The following CDH2 variants were observed in gnomAD, a reference collection of about 807,000 sequenced individuals.
The protein encoded by CDH2 is cadherin 2.
CDH2 carries 17 observed loss-of-function variants against 92.0 expected under a neutral mutation model. The ratio of observed to expected loss-of-function variants is 0.18; its 90% CI spans 0.13 to 0.28. The LOEUF (loss-of-function observed/expected upper bound fraction) is 0.28. CDH2 is among the 10% of genes least tolerant of loss of function. CDH2 has a pLI of 1.00. For synonymous variants in CDH2, 419 were observed against 415.9 expected (o/e 1.01, Z -0.09); for missense variants, 862 against 1,133.1 (o/e 0.76, Z 3.44).
chr18:28,152,117 T>A (rs192097955), intron 1 of CDH2, among the ~76,000 whole-genome samples: 1 of 152,292 alleles, frequency 6.6e-6, no homozygotes, highest in Non-Finnish European at 1.5e-5. Context: ...GTGTGTTAAG[T>A]TCCGTATCAC....
chr18:27,950,120 C>A (rs1266655477), downstream of CDH2, among the ~76,000 whole-genome samples: 1 of 152,046 alleles, frequency 6.6e-6, no homozygotes, highest in African/African-American at 2.4e-5. Flanking sequence ...CAAGCTCTGG[C>A]ATTTAATGAT....
At chr18:28,032,618 T>C (rs1351502101) in intron 2 of CDH2, among the ~76,000 whole-genome samples, 1 of 152,160 alleles carries the variant, frequency 6.6e-6, no homozygotes, top group Non-Finnish European at 1.5e-5. Context: ...AATATCTCAT[T>C]TGGATATCAT....
At chr18:28,126,593 G>T (rs1265032790) in intron 2 of CDH2, among the ~76,000 whole-genome samples, 1 of 151,884 alleles carries the variant, frequency 6.6e-6, no homozygotes, top group Non-Finnish European at 1.5e-5. Context: ...AATAAAATAA[G>T]GTCAGGGGGC....
chr18:28,004,344 T>C (rs576821959), intron 6 of CDH2, among the ~76,000 whole-genome samples: 1 of 152,340 alleles, frequency 6.6e-6, no homozygotes, highest in African/African-American at 2.4e-5. Flanking sequence ...AAAAGGTATC[T>C]TTCAGAAGTG....
At chr18:27,989,335 G>T (rs1754329396) in intron 10 of CDH2, among the ~76,000 whole-genome samples, 1 of 152,164 alleles carries the variant, frequency 6.6e-6, no homozygotes, top group Non-Finnish European at 1.5e-5. Flanking sequence ...GGTATGCTAT[G>T]TTTGGAAAGG....
chr18:28,108,016 A>T (rs1020160617), intron 2 of CDH2, among the ~76,000 whole-genome samples: 1 of 152,168 alleles, frequency 6.6e-6, no homozygotes, highest in Admixed American at 6.5e-5. Context: ...CTCTGTTACA[A>T]ATTAAACCCA....
intron 2 of CDH2, among the ~76,000 whole-genome samples, chr18:28,090,622 T>C (rs2015019601): frequency 6.6e-6 from 1 of 152,214 alleles, no homozygotes; most frequent in African/African-American, 2.4e-5. Context: ...TGTATGTTTA[T>C]TAGAGTAGCT....
rs565557365 is a variant in CDH2, at chr18:28,090,317, T to C, written c.172+57356A>G. ...TTAATTTGTCTCACAGTGACAAATG[T>C]GTGGCATTGGCTGACGTATGGATTT... On this transcript the variant is annotated intron_variant, in intron 2 of 15. Transcript: ENST00000269141. 2.6e-5 allele frequency among the ~76,000 whole-genome samples: 4 copies of C among 152,318 alleles called. No individual in the cohort carries two copies. The East Asian group carries it at 7.7e-4, about 29-fold the overall frequency.
chr18:28,134,461 G>A (rs1032451054), intron 2 of CDH2, among the ~76,000 whole-genome samples: 1 of 152,032 alleles, frequency 6.6e-6, no homozygotes, highest in Non-Finnish European at 1.5e-5. Flanking sequence ...TGTAATCCCC[G>A]CACTTGGGGA....
At chr18:28,031,461 C>G (rs2013693583) in intron 2 of CDH2, among the ~76,000 whole-genome samples, 1 of 152,048 alleles carries the variant, frequency 6.6e-6, no homozygotes, top group South Asian at 2.1e-4. Context: ...CTTTGAAAAA[C>G]AAACTGGATC....
intron 2 of CDH2, among the ~76,000 whole-genome samples, chr18:28,051,191 T>C (rs1209585999): frequency 6.6e-6 from 1 of 152,210 alleles, no homozygotes; most frequent in African/African-American, 2.4e-5. Context: ...TGTTACACTT[T>C]TATCAGATAT....
intron 2 of CDH2, among the ~76,000 whole-genome samples, chr18:28,025,819 T>C (rs2013538438): frequency 6.6e-6 from 1 of 152,036 alleles, no homozygotes; most frequent in South Asian, 2.1e-4. Flanking sequence ...TAGTAGTGCA[T>C]ATACGATTTT....
At chr18:28,023,768 G>A (rs1050148641) in intron 2 of CDH2, among the ~76,000 whole-genome samples, 22 of 152,210 alleles carry the variant, frequency 1.4e-4, no homozygotes, top group African/African-American at 3.4e-4. Flanking sequence ...ATGTCTTAAC[G>A]TCATCAATAT....
intron 15 of CDH2, among the ~76,000 whole-genome samples, chr18:27,961,437 C>T (rs1012489339): frequency 3.3e-5 from 5 of 152,136 alleles, no homozygotes; most frequent in Admixed American, 6.6e-5. Context: ...AGGAAGGCCT[C>T]ACAGAGAAAT....
chr18:27,980,473 G>A (rs1245631786), intron 14 of CDH2, among the ~76,000 whole-genome samples: 1 of 152,136 alleles, frequency 6.6e-6, no homozygotes, highest in Non-Finnish European at 1.5e-5. Context: ...AGATAGAGGA[G>A]AAAGAGCCTT....
chr18:28,091,385 C>G (rs1449440291), intron 2 of CDH2, among the ~76,000 whole-genome samples: 1 of 152,114 alleles, frequency 6.6e-6, no homozygotes, highest in Non-Finnish European at 1.5e-5. Flanking sequence ...ATTTAATTCC[C>G]TTTAGTTCAG....
Position 28,177,081 on chromosome 18 carries a change from C to CGGAGGAGGA in CDH2, c.-68_-60dup, listed in dbSNP as rs914953945. The CGGAGGAGGA allele has an allele frequency of 2.8e-6, 3 of 1,053,180 alleles. No homozygotes were observed. In the Admixed American group the frequency reaches 7.6e-5, roughly 27 times the overall value. The allele number at this position is 1,053,180 out of a possible 1,614,324, so 65.2% of individuals were successfully genotyped here. A position where few individuals can be genotyped will look rare whatever the true frequency, so the allele number is the denominator to read the frequency against. ...GAGGCGGCGGCGGCGGCGGCGGCGG[C>CGGAGGAGGA]GGAGGAGGAGGAGGCAGCGGCAGCA... On this transcript the variant is annotated 5_prime_UTR_variant, in exon 1 of 16. Coordinates refer to ENST00000269141, the MANE Select transcript of CDH2 (RefSeq NM_001792.5).
chr18:28,014,006 G>T (rs2013174365), intron 2 of CDH2, 97 bp from the exon 3 acceptor site: 5 of 772,116 alleles, frequency 6.5e-6, no homozygotes, highest in South Asian at 3.5e-5. Flanking sequence ...TAGGTTAAAG[G>T]ATAAAAATAC....
chr18:27,976,182 A>G (rs1248793315), intron 14 of CDH2, among the ~76,000 whole-genome samples: 1 of 152,164 alleles, frequency 6.6e-6, no homozygotes, highest in Non-Finnish European at 1.5e-5. Flanking sequence ...GGCTTTGACA[A>G]GGACCCGTCC....
Sources: gnomAD v4.1 joint callset for allele counts (sites outside exome capture counted in the v4.1 genomes callset) on GRCh38, gnomAD v4.1.1 for gene constraint, MANE v1.5 for transcripts, NCBI Gene and HGNC (gene_info 2026-07-23, HGNC 2026-07-21) for gene names.